IGF2R: variants seen among roughly 807,000 people sequenced by gnomAD.
IGF2R encodes the protein cation-independent mannose-6-phosphate receptor.
A neutral mutation model predicts 270.6 loss-of-function variants in IGF2R; 91 were observed. The observed-to-expected ratio is 0.34, with a 90% CI of 0.28 to 0.40. IGF2R has a LOEUF of 0.40. IGF2R is among the 10% of genes least tolerant of loss of function. The probability of loss-of-function intolerance (pLI) is 1.00; values close to 1 mark genes in which losing one functional copy is unlikely to be tolerated. For synonymous variants in IGF2R, 1,316 were observed against 1,258.9 expected, an observed-to-expected ratio of 1.05 and a Z score of -0.96; for missense variants, 2,805 against 3,188.3, an observed-to-expected ratio of 0.88 and a Z score of 2.90.
chr6:160,098,401 T>C (rs768035149), intron 45 of IGF2R, among the ~76,000 whole-genome samples: 3 of 152,074 alleles, frequency 2.0e-5, no homozygotes, highest in Non-Finnish European at 2.9e-5. Context: ...AAACAGAAGT[T>C]GAAACCAAGA....
chr6:160,063,445 A>C lies in IGF2R; in HGVS notation c.3701A>C (p.His1234Pro). The change falls in exon 27 of 48, where the codon CAT becomes CCT. Residue 1234 changes from histidine (H) to proline (P), a missense_variant. By Grantham distance (77) the His-to-Pro change is moderately conservative (BLOSUM62 -2). Coordinates refer to ENST00000356956, the MANE Select transcript of IGF2R (RefSeq NM_000876.4). ...GDNCEVKDPRHGNLYDLKPLG... is the reference protein window; with the variant it reads ...GDNCEVKDPRPGNLYDLKPLG... ...AACTGTGAGGTGAAAGACCCAAGGCATGGCAACTTGTATGACCTGAAGCCC... is the reference window on the plus strand; with the variant it reads ...AACTGTGAGGTGAAAGACCCAAGGCCTGGCAACTTGTATGACCTGAAGCCC... 1 of 1,612,774 alleles carries C rather than the reference A, an allele frequency of 6.2e-7. No homozygotes were observed.
intron 6 of IGF2R, among the ~76,000 whole-genome samples, chr6:160,028,010 T>C (rs1277168130): frequency 6.6e-6 from 1 of 152,218 alleles, no homozygotes; most frequent in Non-Finnish European, 1.5e-5. Flanking sequence ...AGAAAAAACT[T>C]GAGCGTAACC....
intron 30 of IGF2R, among the ~76,000 whole-genome samples, chr6:160,069,171 T>C (rs2115270974): frequency 6.6e-6 from 1 of 152,218 alleles, no homozygotes; most frequent in East Asian, 1.9e-4. Context: ...ATGTCAGCTG[T>C]ACATGGGAAA....
In IGF2R at chr6:160,009,423, CTT is replaced by C. The variant is rs1040269843; in HGVS notation, c.414+297_414+298del. Among the ~76,000 whole-genome samples, 3 of 151,650 alleles carry C rather than the reference CTT, an allele frequency of 2.0e-5. No homozygotes were observed. In the East Asian group the frequency reaches 5.8e-4, roughly 29 times the overall value. On this transcript the variant is annotated intron_variant, in intron 3 of 47. Transcript: ENST00000356956. ...GTTTAATGTTTAAGTTATAGGCATACTTTTTTTTTCTCTAAAACCTCTTCTTC... is the reference window on the plus strand; with the variant it reads ...GTTTAATGTTTAAGTTATAGGCATACTTTTTTTCTCTAAAACCTCTTCTTC...
chr6:160,027,138 A>T, intron 5 of IGF2R, 47 bp from the exon 6 acceptor site: 1 of 1,609,580 alleles, frequency 6.2e-7, no homozygotes, highest in Non-Finnish European at 8.5e-7. Context: ...ACGTGTGATT[A>T]TCACTCCTAA....
chr6:159,974,803 C>T (rs1033081407), intron 1 of IGF2R, among the ~76,000 whole-genome samples: 4 of 152,148 alleles, frequency 2.6e-5, no homozygotes, highest in Non-Finnish European at 5.9e-5. Flanking sequence ...CAATTGAGAA[C>T]CACTGGCCTA....
At chr6:160,010,213 A>G (rs1784311625) in intron 3 of IGF2R, 1 of 154,754 alleles carries the variant, frequency 6.5e-6, no homozygotes, top group South Asian at 2.0e-4. Flanking sequence ...TTTGTAGTCC[A>G]CTCTGGTTGC....
At position 160,101,175 on chromosome 6, in the gene IGF2R, T is replaced by C. The variant is rs952700172; in HGVS notation, c.6843-1344T>C. Among the ~76,000 whole-genome samples, 21 of 152,284 alleles carry C rather than the reference T, an allele frequency of 1.4e-4. 1 individual carries two copies. Among genetic ancestry groups the C allele is most frequent in the South Asian group, 1.0e-3 (5 of 4,828 alleles). Reference sequence around the variant, plus strand: ...GAACCAAGAACAAACAACTGAAAAATAGAAATACGTTTGAAGACTAAAACT... The same window carrying C: ...GAACCAAGAACAAACAACTGAAAAACAGAAATACGTTTGAAGACTAAAACT... On this transcript the variant is annotated intron_variant, in intron 45 of 47. Coordinates refer to ENST00000356956, the MANE Select transcript of IGF2R (RefSeq NM_000876.4).
intron 30 of IGF2R, among the ~76,000 whole-genome samples, chr6:160,069,141 C>T (rs1778658335): frequency 6.6e-6 from 1 of 151,976 alleles, no homozygotes; most frequent in African/African-American, 2.4e-5. Context: ...CTCAAACCTG[C>T]GGTGGTTGGC....
Position 160,104,659 on chromosome 6 carries a change from G to C in IGF2R, c.7066-15G>C. On this transcript the variant is annotated splice_polypyrimidine_tract_variant and intron_variant, in intron 47 of 47. Coordinates refer to ENST00000356956, the MANE Select transcript of IGF2R (RefSeq NM_000876.4). ...TTAGGGGGCTCACGTGGTCTCTGCT[G>C]TTGATCCCTGGCAGGTGAATAAGGA... 1 of 1,604,808 alleles carries C rather than the reference G, an allele frequency of 6.2e-7. No homozygotes were observed. The highest frequency in any genetic ancestry group is 8.5e-7 in the Non-Finnish European group (1 of 1,175,030).
chr6:160,089,331 G>GAGC, intron 43 of IGF2R, 78 bp downstream of exon 43: 1 of 1,325,010 alleles, frequency 7.5e-7, no homozygotes, highest in South Asian at 1.4e-5. Context: ...CCCTATCGGG[G>GAGC]AGCACTGCAG....
intron 4 of IGF2R, among the ~76,000 whole-genome samples, chr6:160,016,860 G>A (rs1467554481): frequency 1.3e-5 from 2 of 152,220 alleles, no homozygotes; most frequent in Admixed American, 6.5e-5. Flanking sequence ...TCTCAGGGCG[G>A]GGGGAACCCT....
In IGF2R at chr6:160,105,417, G is replaced by T. The variant is rs553705731; in HGVS notation, c.*333G>T. The T allele has an allele frequency of 1.7e-4, 39 of 225,162 alleles. No homozygotes were observed. In the South Asian group the frequency reaches 5.0e-3, roughly 29 times the overall value. 13.9% of individuals were successfully genotyped at this position (225,162 alleles called of 1,614,324 possible). ...AAGAAACCCTTGCTGCTTTAGTCCC[G>T]ATAGGGTATTTGACCCCGATATATT... On this transcript the variant is annotated 3_prime_UTR_variant, in exon 48 of 48. Transcript: ENST00000356956.
chr6:160,046,431 G>T, intron 14 of IGF2R, 67 bp from the exon 15 acceptor site: 3 of 1,468,146 alleles, frequency 2.0e-6, no homozygotes, highest in Admixed American at 2.2e-5. Context: ...TCAAACTGTG[G>T]GGTGAGACCA....
intron 1 of IGF2R, among the ~76,000 whole-genome samples, chr6:159,977,907 T>G (rs963057355): frequency 3.9e-5 from 6 of 151,956 alleles, no homozygotes; most frequent in Non-Finnish European, 4.4e-5. Flanking sequence ...TGTTGTAGGC[T>G]AGGCGTGGGA....
At chr6:160,040,945 C>T (rs1324167565) in intron 11 of IGF2R, among the ~76,000 whole-genome samples, 4 of 152,098 alleles carry the variant, frequency 2.6e-5, no homozygotes, top group Non-Finnish European at 4.4e-5. Flanking sequence ...GTGTTTTCAC[C>T]CTTTTACACA....
At position 160,048,542 on chromosome 6, in the gene IGF2R, A is replaced by G. The variant is rs1218356059; in HGVS notation, c.2513A>G (p.Gln838Arg). 1 of 1,613,086 alleles carries G rather than the reference A, an allele frequency of 6.2e-7. No homozygotes were observed. The highest frequency in any genetic ancestry group is 8.5e-7 in the Non-Finnish European group (1 of 1,179,626). ...SACQMKYEKD[Q>R]GSFTEVVSIS... is the part of the protein sequence containing the mutation. ...TGCCAGATGAAGTATGAAAAAGATC[A>G]GGTGAATCTGTTTTCACTGCTTGTC... Residue 838 changes from glutamine (Q) to arginine (R), a missense_variant and splice_region_variant, in exon 18 of 48, where the codon CAG becomes CGG. Physicochemically the swap from Gln to Arg is conservative, Grantham distance 43. This residue lies in a region of IGF2R where 1,851 missense variants were observed against 2,207.2 expected (regional missense o/e 0.84). Coordinates refer to ENST00000356956, the MANE Select transcript of IGF2R (RefSeq NM_000876.4).
rs150434529 is a variant in IGF2R at position 160,058,962 on chromosome 6, T to C, written c.2955T>C (p.Ser985=). 6 of 1,614,108 alleles carry C rather than the reference T, an allele frequency of 3.7e-6. No individual in the cohort carries two copies. Among genetic ancestry groups the C allele is most frequent in the Middle Eastern group, 3.3e-4 (2 of 6,084 alleles). ...GGACCATCCTGGGAAAACCTGCTTC[T>C]GGCTGTGAGGCAGAAACCCAAACTG... The part of the protein sequence containing the change: ...VCGTILGKPA[S]GCEAETQTEE... Residue 985 remains serine (S), a synonymous_variant, in exon 22 of 48, where the codon TCT becomes TCC. Transcript: ENST00000356956.
chr6:160,060,019 G>GCA (rs1408211738), intron 22 of IGF2R, among the ~76,000 whole-genome samples: 1 of 152,250 alleles, frequency 6.6e-6, no homozygotes, highest in Non-Finnish European at 1.5e-5. Context: ...TAGGCTTATG[G>GCA]TAGAAACCTG....
Sources: allele counts gnomAD v4.1 joint callset (sites outside exome capture counted in the v4.1 genomes callset), GRCh38; gene constraint gnomAD v4.1.1; regional missense constraint gnomAD v4.1.1; transcripts MANE v1.5; gene names NCBI Gene and HGNC (gene_info 2026-07-23, HGNC 2026-07-21).